Variants in PRELID2 observed in about 807,000 individuals in gnomAD.
The protein encoded by PRELID2 is PRELI domain-containing protein 2.
A neutral mutation model predicts 28.4 loss-of-function variants in PRELID2; 25 were observed. The observed-to-expected ratio is 0.88, with a 90% CI of 0.64 to 1.23. The LOEUF is 1.23. PRELID2 is among the 50% of genes most tolerant of loss of function. The pLI is 0.00. For synonymous variants in PRELID2, 76 were observed against 71.6 expected, an observed-to-expected ratio of 1.06 and a Z score of -0.31; for missense variants, 201 against 214.4, an observed-to-expected ratio of 0.94 and a Z score of 0.39.
chr5:145,457,800 T>C, the PRELID2 span, among the ~76,000 whole-genome samples: 1 of 152,298 alleles, frequency 6.6e-6, no homozygotes, highest in Non-Finnish European at 1.5e-5. Flanking sequence ...CCCTTAACCT[T>C]GGTTTGCTTA....
intron 1 of PRELID2, among the ~76,000 whole-genome samples, chr5:145,708,602 A>AT (rs1480364570): frequency 2.0e-5 from 3 of 152,108 alleles, no homozygotes; most frequent in Admixed American, 2.0e-4. Context: ...TAAACAGAAA[A>AT]TTTTTTTCAA....
intron 1 of PRELID2, among the ~76,000 whole-genome samples, chr5:145,731,134 T>G (rs1756333996): frequency 6.6e-6 from 1 of 152,246 alleles, no homozygotes; most frequent in South Asian, 2.1e-4. Flanking sequence ...AACTCTTACA[T>G]GTTCTACATT....
At chr5:145,419,295 GA>G in the PRELID2 span, among the ~76,000 whole-genome samples, 3 of 132,758 alleles carry the variant, frequency 2.3e-5, no homozygotes, top group South Asian at 4.8e-4. Flanking sequence ...GATCCCTGAG[GA>G]ATCGCCACAC....
chr5:145,428,471 C>T, the PRELID2 span, among the ~76,000 whole-genome samples: 1 of 151,866 alleles, frequency 6.6e-6, no homozygotes, highest in Admixed American at 6.6e-5. Flanking sequence ...TGTTCTAGTA[C>T]AAAGAATCAG....
chr5:145,791,413 C>T (rs1206388223), intron 5 of PRELID2, among the ~76,000 whole-genome samples: 1 of 152,164 alleles, frequency 6.6e-6, no homozygotes, highest in African/African-American at 2.4e-5. Flanking sequence ...GTAAGTCTGA[C>T]ACATGCTACA....
chr5:145,569,457 G>A (rs1752998968), intron 1 of PRELID2, among the ~76,000 whole-genome samples: 1 of 151,880 alleles, frequency 6.6e-6, no homozygotes, highest in Admixed American at 6.6e-5. Context: ...TCATTATCAT[G>A]GTCCATGAAG....
chr5:145,683,562 C>T (rs1477869766), intron 1 of PRELID2, among the ~76,000 whole-genome samples: 1 of 152,160 alleles, frequency 6.6e-6, no homozygotes, highest in Non-Finnish European at 1.5e-5. Context: ...ATGGCCTCTC[C>T]TCTGTGTGCA....
chr5:145,604,581 C>T lies in PRELID2; in HGVS notation n.71-131266G>A, dbSNP rs114036911. ...CTTTATGGTAGAATAATTTATATTCCTTTAGGTATATTCACAGTAATGAAA... is the reference window on the plus strand; with the variant it reads ...CTTTATGGTAGAATAATTTATATTCTTTTAGGTATATTCACAGTAATGAAA... On this transcript the variant is annotated intron_variant and non_coding_transcript_variant, in intron 1 of 2. Transcript: ENST00000510259. Among the ~76,000 whole-genome samples the T allele has an allele frequency of 9.1e-3, 1,379 of 151,630 alleles. 29 individuals carry two copies. The highest frequency in any genetic ancestry group is 0.032 in the African/African-American group (1,310 of 41,348).
chr5:145,690,166 A>G (rs2149695039), intron 1 of PRELID2, among the ~76,000 whole-genome samples: 1 of 151,800 alleles, frequency 6.6e-6, no homozygotes, highest in South Asian at 2.1e-4. Flanking sequence ...TACTTTTTGT[A>G]TTTTTAGTAG....
chr5:145,250,487 T>G, the PRELID2 span, among the ~76,000 whole-genome samples: 1 of 152,228 alleles, frequency 6.6e-6, no homozygotes, highest in South Asian at 2.1e-4. Flanking sequence ...ACTGACCAAC[T>G]TGCGATCAAA....
the PRELID2 span, among the ~76,000 whole-genome samples, chr5:145,288,155 T>C: frequency 1.3e-5 from 2 of 152,098 alleles, no homozygotes; most frequent in Non-Finnish European, 2.9e-5. Flanking sequence ...TTTGCCCTCC[T>C]CTCCACACTC....
At chr5:145,808,184 C>A (rs531974911) in intron 4 of PRELID2, among the ~76,000 whole-genome samples, 2 of 152,248 alleles carry the variant, frequency 1.3e-5, no homozygotes, top group African/African-American at 4.8e-5. Flanking sequence ...GTTAACTACA[C>A]CCTCAAGCCC....
chr5:145,369,039 C>T, the PRELID2 span, among the ~76,000 whole-genome samples: 1,353 of 151,858 alleles, frequency 8.9e-3, 26 homozygotes, highest in African/African-American at 0.031. Context: ...TCATTGATCT[C>T]CCACTTATAA....
the PRELID2 span, among the ~76,000 whole-genome samples, chr5:145,405,371 A>T: frequency 4.6e-5 from 7 of 152,306 alleles, no homozygotes; most frequent in East Asian, 1.4e-3. Flanking sequence ...CTGTTCTTAC[A>T]TTACTATAAA....
intron 1 of PRELID2, among the ~76,000 whole-genome samples, chr5:145,708,304 A>AC (rs1038487851): frequency 3.7e-4 from 42 of 112,770 alleles, no homozygotes; most frequent in Middle Eastern, 4.5e-3. Context: ...ATGAATCAAG[A>AC]AAAAAAAAAA....
At chr5:145,575,537 G>A (rs758597350) in intron 1 of PRELID2, among the ~76,000 whole-genome samples, 2 of 152,130 alleles carry the variant, frequency 1.3e-5, no homozygotes, top group Admixed American at 6.6e-5. Flanking sequence ...CCTTTCTATA[G>A]TTTCCTCTTT....
chr5:145,296,371 G>A, the PRELID2 span, among the ~76,000 whole-genome samples: 1 of 122,094 alleles, frequency 8.2e-6, no homozygotes, highest in Admixed American at 1.2e-4. Flanking sequence ...TCCCCAGAGT[G>A]TGATGTTCCC....
At chr5:145,259,652 TC>T in the PRELID2 span, among the ~76,000 whole-genome samples, 1 of 152,228 alleles carries the variant, frequency 6.6e-6, no homozygotes. Context: ...CAGTGCCTGT[TC>T]CCCCATTGTA....
chr5:145,835,088 G>A (rs1444293778), intron 1 of PRELID2, 89 bp downstream of exon 1: 1 of 871,072 alleles, frequency 1.1e-6, no homozygotes, highest in East Asian at 2.8e-5. Flanking sequence ...AGACACTGGC[G>A]GTGCCAGCTT....
Sources: allele counts gnomAD v4.1 joint callset (sites outside exome capture counted in the v4.1 genomes callset), GRCh38; gene constraint gnomAD v4.1.1; transcripts MANE v1.5; gene names NCBI Gene and HGNC (gene_info 2026-07-23, HGNC 2026-07-21).